Variants in RNF144B observed in about 807,000 individuals in gnomAD.
RNF144B encodes the protein ring finger protein 144B, also known as E3 ubiquitin-protein ligase RNF144B.
Under a neutral mutation model 40.2 loss-of-function variants are expected in RNF144B, and 25 were observed. That is an observed-to-expected ratio of 0.62 (90% CI 0.45 to 0.87). The LOEUF is 0.87. Ranked by LOEUF, RNF144B falls within the 40% of genes least tolerant of loss-of-function variation. The probability of loss-of-function intolerance (pLI) is 0.00; values close to 1 mark genes in which losing one functional copy is unlikely to be tolerated. For synonymous variants in RNF144B, 145 were observed against 136.3 expected (o/e 1.06, Z -0.44); for missense variants, 365 against 373.7 (o/e 0.98, Z 0.19).
At chr6:18,432,869 C>T (rs746364056) in intron 3 of RNF144B, among the ~76,000 whole-genome samples, 1 of 152,140 alleles carries the variant, frequency 6.6e-6, no homozygotes, top group African/African-American at 2.4e-5. Flanking sequence ...CTGCTAGTGC[C>T]GCAGTGTGCA....
intron 1 of RNF144B, chr6:18,396,322 A>G: frequency 1.2e-6 from 1 of 860,060 alleles, no homozygotes; most frequent in Non-Finnish European, 1.4e-6. Context: ...TATGTCTTTC[A>G]AGAGTATCCA....
chr6:18,429,774 C>CT (rs1262844123), intron 3 of RNF144B, among the ~76,000 whole-genome samples: 1 of 152,080 alleles, frequency 6.6e-6, no homozygotes. Flanking sequence ...AAGACACTTC[C>CT]TTTTTGACTT....
At position 18,457,111 on chromosome 6, in the gene RNF144B, C is replaced by A. The variant is rs1759346797; in HGVS notation, c.332-44C>A. The stretch of plus-strand genomic sequence containing the variant: ...CAAATGAAGGTGAGAAAGACTCAAA[C>A]ATGAATCGGGCAGACCATCACATTT... On this transcript the variant is annotated intron_variant, in intron 4 of 7. Transcript: ENST00000259939. The surrounding 1 kb of genome is among the most constrained non-coding windows in gnomAD (Gnocchi z 5.1). 1 of 1,413,576 alleles carries A rather than the reference C, an allele frequency of 7.1e-7. No homozygotes were observed. The highest frequency in any genetic ancestry group is 1.4e-5 in the African/African-American group (1 of 70,952). The allele number at this position is 1,413,576 out of a possible 1,614,324, so 87.6% of individuals were successfully genotyped here. A position where few individuals can be genotyped will look rare whatever the true frequency, so the allele number is the denominator to read the frequency against.
rs1275127199 is a variant in RNF144B, at chr6:18,398,536, A to ATTTTGTAT, written c.-36-950_-36-943dup. On this transcript the variant is annotated intron_variant, in intron 1 of 7. Coordinates refer to ENST00000259939, the MANE Select transcript of RNF144B (RefSeq NM_182757.4). This position sits in a 1 kb window ranked among gnomAD's most constrained non-coding sequence, Gnocchi z 5.0. ...ACAGATGTGCCACTGTGCCTGGCTAATTTTGTATTTTTGTATTTTTTGTAA... is the reference window on the plus strand; with the variant it reads ...ACAGATGTGCCACTGTGCCTGGCTAATTTTGTATTTTTGTATTTTTGTATTTTTTGTAA... Among the ~76,000 whole-genome samples, 1 of 151,880 alleles carries ATTTTGTAT rather than the reference A, an allele frequency of 6.6e-6. No homozygotes were observed. Among genetic ancestry groups the ATTTTGTAT allele is most frequent in the African/African-American group, 2.4e-5 (1 of 41,358 alleles).
chr6:18,437,771 T>A (rs1479629556), intron 3 of RNF144B, among the ~76,000 whole-genome samples: 1 of 152,248 alleles, frequency 6.6e-6, no homozygotes, highest in Non-Finnish European at 1.5e-5. Flanking sequence ...AGTTGTTTAC[T>A]TTTTACTGCA....
In RNF144B at chr6:18,468,201, G is replaced by A. The variant is rs1031166950; in HGVS notation, c.*3134G>A. On this transcript the variant is annotated 3_prime_UTR_variant, in exon 8 of 8. Coordinates refer to ENST00000259939, the MANE Select transcript of RNF144B (RefSeq NM_182757.4). ...TCCGTCACCAAATTGTAACCTGGAT[G>A]TTATAGCCCAGCATCTAGAAATCCT... 1.3e-5 allele frequency: 2 copies of A among 152,186 alleles called. No homozygotes were observed. Among genetic ancestry groups the A allele is most frequent in the African/African-American group, 4.8e-5 (2 of 41,438 alleles). 9.4% of individuals were successfully genotyped at this position (152,186 alleles called of 1,614,324 possible).
At chr6:18,461,126 ATGT>A (rs1275810036) in intron 6 of RNF144B, among the ~76,000 whole-genome samples, 1 of 152,168 alleles carries the variant, frequency 6.6e-6, no homozygotes, top group African/African-American at 2.4e-5. Context: ...AAAACTAGAT[ATGT>A]TGTTTAAGAT....
At position 18,450,474 on chromosome 6, in the gene RNF144B, T is replaced by G. The variant is rs1759187895; in HGVS notation, c.332-6681T>G. Among the ~76,000 whole-genome samples the G allele has an allele frequency of 6.6e-6, 1 of 152,092 alleles. No individual in the cohort carries two copies. The highest frequency in any genetic ancestry group is 1.5e-5 in the Non-Finnish European group (1 of 68,020). On this transcript the variant is annotated intron_variant, in intron 4 of 7. Transcript: ENST00000259939. This position sits in a 1 kb window ranked among gnomAD's most constrained non-coding sequence, Gnocchi z 4.7. ...CACCAGGCCTGGCTAATTTTGTATTTTTTAGTAGAGAAGGTGTTTTCACTA... is the reference window on the plus strand; with the variant it reads ...CACCAGGCCTGGCTAATTTTGTATTGTTTAGTAGAGAAGGTGTTTTCACTA...
rs556059533 is a variant in RNF144B at position 18,438,453 on chromosome 6, A to G, written c.271-1231A>G. Among the ~76,000 whole-genome samples the G allele has an allele frequency of 2.2e-3, 332 of 152,358 alleles. 4 individuals are homozygous for G. Among genetic ancestry groups the G allele is most frequent in the African/African-American group, 7.4e-3 (307 of 41,578 alleles). On this transcript the variant is annotated intron_variant, in intron 3 of 7. Coordinates refer to ENST00000259939, the MANE Select transcript of RNF144B (RefSeq NM_182757.4). ...CCCCAACTGGAGAAAGAAAATTTGGATAAAAATGTTTTTATAATTAAAGTT... is the reference window on the plus strand; with the variant it reads ...CCCCAACTGGAGAAAGAAAATTTGGGTAAAAATGTTTTTATAATTAAAGTT...
chr6:18,395,075 G>T lies in RNF144B; in HGVS notation c.-36-4424G>T, dbSNP rs1321471154. ...TTCTCTGCCAAAATTCTTTTCACAAGGGGTTCTTGACACTCGGTGAGAGGC... is the reference window on the plus strand; with the variant it reads ...TTCTCTGCCAAAATTCTTTTCACAATGGGTTCTTGACACTCGGTGAGAGGC... On this transcript the variant is annotated intron_variant, in intron 1 of 7. Transcript: ENST00000259939. This position sits in a 1 kb window ranked among gnomAD's most constrained non-coding sequence, Gnocchi z 4.5. 2.0e-5 allele frequency among the ~76,000 whole-genome samples: 3 copies of T among 152,176 alleles called. No individual in the cohort carries two copies. The highest frequency in any genetic ancestry group is 7.2e-5 in the African/African-American group (3 of 41,444).
chr6:18,432,595 G>A (rs1033427433), intron 3 of RNF144B, among the ~76,000 whole-genome samples: 15 of 152,214 alleles, frequency 9.9e-5, no homozygotes, highest in African/African-American at 3.4e-4. Flanking sequence ...GTTAAAAAAG[G>A]TGATGTCTAA....
intron 4 of RNF144B, among the ~76,000 whole-genome samples, chr6:18,453,488 G>A (rs1759260455): frequency 6.6e-6 from 1 of 151,806 alleles, no homozygotes; most frequent in Non-Finnish European, 1.5e-5. Flanking sequence ...TATCTTAGAG[G>A]TCTTTCCAAA....
chr6:18,430,339 C>T (rs1758665051), intron 3 of RNF144B, among the ~76,000 whole-genome samples: 1 of 152,270 alleles, frequency 6.6e-6, no homozygotes, highest in South Asian at 2.1e-4. Context: ...AAATGGTAGC[C>T]ACTAGGCACT....
At position 18,443,550 on chromosome 6, in the gene RNF144B, C is replaced by T. The variant is rs1054859376; in HGVS notation, c.331+3806C>T. On this transcript the variant is annotated intron_variant, in intron 4 of 7. Coordinates refer to ENST00000259939, the MANE Select transcript of RNF144B (RefSeq NM_182757.4). This position sits in a 1 kb window ranked among gnomAD's most constrained non-coding sequence, Gnocchi z 4.7. ...TTCTGGGATTACAGGTGTGAGCTAC[C>T]GTGCCCGGCCTCTTAGGTGATTTTG... Among the ~76,000 whole-genome samples the T allele has an allele frequency of 3.3e-5, 5 of 152,122 alleles. No homozygotes were observed. Among genetic ancestry groups the T allele is most frequent in the Admixed American group, 2.6e-4 (4 of 15,258 alleles).
At chr6:18,426,130 T>C (rs1758544022) in intron 2 of RNF144B, among the ~76,000 whole-genome samples, 1 of 152,218 alleles carries the variant, frequency 6.6e-6, no homozygotes, top group Non-Finnish European at 1.5e-5. Context: ...ATTCTGACCC[T>C]AGAATTTTAC....
rs998050835 is a variant in RNF144B at position 18,457,806 on chromosome 6, C to A, written c.536+447C>A. 2.6e-5 allele frequency among the ~76,000 whole-genome samples: 4 copies of A among 152,284 alleles called. No homozygotes were observed. In the East Asian group the frequency reaches 5.8e-4, roughly 22 times the overall value. On this transcript the variant is annotated intron_variant, in intron 5 of 7. Coordinates refer to ENST00000259939, the MANE Select transcript of RNF144B (RefSeq NM_182757.4). The surrounding 1 kb of genome is among the most constrained non-coding windows in gnomAD (Gnocchi z 5.1). ...ATTAGAAAGAACACAACAATAGAAA[C>A]AACGGTCCTAAATTCTTTCAGCACG...
chr6:18,427,704 A>T lies in RNF144B; in HGVS notation c.270+19A>T. Reference sequence around the variant, plus strand: ...AGCTGAGGTATGAATGACTACCATCATCTTCCCCTCTTTCCTATTTATGTT... The same window carrying T: ...AGCTGAGGTATGAATGACTACCATCTTCTTCCCCTCTTTCCTATTTATGTT... On this transcript the variant is annotated intron_variant, in intron 3 of 7. Coordinates refer to ENST00000259939, the MANE Select transcript of RNF144B (RefSeq NM_182757.4). 7.2e-7 allele frequency: 1 copy of T among 1,398,190 alleles called. No individual in the cohort carries two copies. Among genetic ancestry groups the T allele is most frequent in the East Asian group, 2.3e-5 (1 of 43,782 alleles). 86.6% of individuals were successfully genotyped at this position (1,398,190 alleles called of 1,614,324 possible).
At chr6:18,424,424 A>G (rs951326953) in intron 2 of RNF144B, among the ~76,000 whole-genome samples, 1 of 152,190 alleles carries the variant, frequency 6.6e-6, no homozygotes, top group Admixed American at 6.5e-5. Flanking sequence ...ACAAATCTCT[A>G]TCTTGAACCA....
In RNF144B at chr6:18,434,204, T is replaced by G. The variant is rs145518483; in HGVS notation, c.271-5480T>G. Among the ~76,000 whole-genome samples, 2,087 of 152,308 alleles carry G rather than the reference T, an allele frequency of 0.014. 23 individuals are homozygous for G. Among genetic ancestry groups the G allele is most frequent in the Middle Eastern group, 0.031 (9 of 294 alleles). The stretch of plus-strand genomic sequence containing the variant: ...TTCTCTAAAGCCTATCCCCAATTTC[T>G]GTTTCATTTTTTTAATTGAGTCTTT... On this transcript the variant is annotated intron_variant, in intron 3 of 7. Coordinates refer to ENST00000259939, the MANE Select transcript of RNF144B (RefSeq NM_182757.4). This position sits in a 1 kb window ranked among gnomAD's most constrained non-coding sequence, Gnocchi z 4.1.
Sources: allele counts gnomAD v4.1 joint callset (sites outside exome capture counted in the v4.1 genomes callset), GRCh38; gene constraint gnomAD v4.1.1; non-coding constraint Gnocchi (gnomAD v3.1); transcripts MANE v1.5; gene names NCBI Gene and HGNC (gene_info 2026-07-23, HGNC 2026-07-21).